Variants in CKMT2 observed in about 807,000 individuals in gnomAD.
CKMT2 encodes creatine kinase S-type, mitochondrial.
CKMT2 carries 43 observed loss-of-function variants against 48.9 expected under a neutral mutation model. That is an observed-to-expected ratio of 0.88 (90% CI 0.69 to 1.13). CKMT2 has a LOEUF of 1.13. Ranked by LOEUF, CKMT2 falls within the 50% of genes most tolerant of loss-of-function variation. The pLI is 0.00. For missense variants in CKMT2, 472 were observed against 555.4 expected, an observed-to-expected ratio of 0.85 and a Z score of 1.51; for synonymous variants, 206 against 213.0, an observed-to-expected ratio of 0.97 and a Z score of 0.29.
chr5:81,239,663 G>A (rs991776804), intron 1 of CKMT2, among the ~76,000 whole-genome samples: 2 of 152,164 alleles, frequency 1.3e-5, no homozygotes, highest in African/African-American at 4.8e-5. Context: ...GACCTGACAA[G>A]GCTCCTCAAA....
At chr5:81,242,631 G>A (rs1006698725) in intron 1 of CKMT2, 11 of 299,016 alleles carry the variant, frequency 3.7e-5, no homozygotes, top group African/African-American at 2.2e-4. Flanking sequence ...GCCAAACATT[G>A]ACGCTGAGAT....
intron 1 of CKMT2, among the ~76,000 whole-genome samples, chr5:81,234,284 C>T (rs1432710581): frequency 6.6e-6 from 1 of 152,294 alleles, no homozygotes; most frequent in Middle Eastern, 3.4e-3. Flanking sequence ...AGGCTCGTGA[C>T]CCCTCACAGT....
chr5:81,242,714 G>A, intron 1 of CKMT2: 1 of 176,292 alleles, frequency 5.7e-6, no homozygotes, highest in East Asian at 1.5e-4. Context: ...TAACACCTGA[G>A]CTCCCTGCTG....
chr5:81,259,452 A>AGAT, intron 8 of CKMT2, 198 bp downstream of exon 8: 1 of 429,348 alleles, frequency 2.3e-6, no homozygotes, highest in East Asian at 3.5e-5. Context: ...TGTAAGAAAA[A>AGAT]GATGGTAGCT....
rs1021926867 is a variant in CKMT2, at chr5:81,252,790, A to G, written c.248A>G (p.Asn83Ser). 4 of 1,614,222 alleles carry G rather than the reference A, an allele frequency of 2.5e-6. No individual in the cohort carries two copies. The highest frequency in any genetic ancestry group is 2.2e-5 in the East Asian group (1 of 44,888). ...YAKLRNKVTP[N>S]GYTLDQCIQT... ...AAGCTTCGCAACAAGGTGACACCCA[A>G]CGGCTACACGCTGGACCAGTGCATC... The change falls in exon 3 of 10, where the codon AAC becomes AGC. Residue 83 changes from asparagine (N) to serine (S), a missense_variant. By Grantham distance (46) the Asn-to-Ser change is conservative. Transcript: ENST00000254035.
In CKMT2 at chr5:81,266,182, T is replaced by C; in HGVS notation, c.1184T>C (p.Val395Ala). ...GTCATCGATGGAGTCAATTACCTGG[T>C]GGATTGTGAAAAGAAGTTGGAGAGA... ...QIVIDGVNYLVDCEKKLERGQ... is the reference protein window; with the variant it reads ...QIVIDGVNYLADCEKKLERGQ... The change falls in exon 10 of 10, where the codon GTG becomes GCG. Residue 395 changes from valine (V) to alanine (A), a missense_variant. Physicochemically the swap from Val to Ala is moderately conservative, Grantham distance 64. Transcript: ENST00000254035. The C allele has an allele frequency of 6.2e-7, 1 of 1,612,948 alleles. No homozygotes were observed. The highest frequency in any genetic ancestry group is 8.5e-7 in the Non-Finnish European group (1 of 1,178,982).
intron 1 of CKMT2, among the ~76,000 whole-genome samples, chr5:81,234,041 A>C (rs1756182553): frequency 1.3e-5 from 2 of 151,474 alleles, no homozygotes; most frequent in South Asian, 2.1e-4. Flanking sequence ...AAAAAAAAAA[A>C]AAAAACCTAT....
At chr5:81,266,001 C>T in intron 9 of CKMT2, 138 bp from the exon 10 acceptor site, 1 of 687,142 alleles carries the variant, frequency 1.5e-6, no homozygotes, top group Non-Finnish European at 2.4e-6. Context: ...TCTCTGCCTT[C>T]CATTTCTGAG....
chr5:81,256,885 C>CCT lies in CKMT2; in HGVS notation c.670-25_670-24dup, dbSNP rs532229804. The CCT allele has an allele frequency of 5.1e-5, 79 of 1,537,062 alleles. 1 individual carries two copies. In the South Asian group the frequency reaches 8.0e-4, roughly 15 times the overall value. On this transcript the variant is annotated intron_variant, in intron 5 of 9. Transcript: ENST00000254035. Reference sequence around the variant, plus strand: ...GTCCTGTTTGATCTCATCAGTCTCTCCTCTCTGCTTTATCCCTTTTGGCCT... The same window carrying CCT: ...GTCCTGTTTGATCTCATCAGTCTCTCCTCTCTCTGCTTTATCCCTTTTGGCCT...
rs776455356 is a variant in CKMT2 at position 81,251,109 on chromosome 5, C to G, written c.-20-4C>G. 1.2e-6 allele frequency: 2 copies of G among 1,612,076 alleles called. No homozygotes were observed. The highest frequency in any genetic ancestry group is 1.7e-6 in the Non-Finnish European group (2 of 1,178,856). On this transcript the variant is annotated splice_polypyrimidine_tract_variant and splice_region_variant and intron_variant, in intron 1 of 9. Transcript: ENST00000254035. ...CTATCTAATCCAGCTTCTTTGCTTT[C>G]CAGACACTCATCCAAGAGGAAGGAT...
At chr5:81,254,077 G>C (rs578103230) in intron 3 of CKMT2, among the ~76,000 whole-genome samples, 2 of 152,164 alleles carry the variant, frequency 1.3e-5, no homozygotes, top group African/African-American at 4.8e-5. Context: ...ATTCCTAACC[G>C]TAAGTATTTT....
intron 8 of CKMT2, among the ~76,000 whole-genome samples, chr5:81,262,453 T>G (rs1374642951): frequency 6.6e-6 from 1 of 151,784 alleles, no homozygotes; most frequent in African/African-American, 2.4e-5. Flanking sequence ...AGGGCTAATA[T>G]CCAGAATCTA....
intron 5 of CKMT2, among the ~76,000 whole-genome samples, 196 bp downstream of exon 5, chr5:81,255,410 G>A (rs1378789861): frequency 6.6e-6 from 1 of 152,240 alleles, no homozygotes; most frequent in African/African-American, 2.4e-5. Flanking sequence ...TACTTGTCAA[G>A]CCACTGAAAC....
chr5:81,265,024 A>G (rs931177270), intron 9 of CKMT2, among the ~76,000 whole-genome samples: 2 of 152,164 alleles, frequency 1.3e-5, no homozygotes, highest in African/African-American at 4.8e-5. Context: ...TACCTATTTA[A>G]TGTTTTCCTG....
rs145379108 is a variant in CKMT2, at chr5:81,243,270, C to T, written c.-20-7843C>T. ...CAGATGAATGAGCAGCCCATGAGTA[C>T]ACTGCGAACTGAGAGAGAATGCAGT... On this transcript the variant is annotated intron_variant, in intron 1 of 9. Coordinates refer to ENST00000254035, the MANE Select transcript of CKMT2 (RefSeq NM_001099735.2). 2.0e-5 allele frequency among the ~76,000 whole-genome samples: 3 copies of T among 152,304 alleles called. No homozygotes were observed. In the South Asian group the frequency reaches 6.2e-4, roughly 32 times the overall value.
intron 2 of CKMT2, chr5:81,252,369 C>T: frequency 3.3e-6 from 1 of 302,022 alleles, no homozygotes; most frequent in South Asian, 4.0e-5. Flanking sequence ...TGTGGTGGTC[C>T]TAAATCTCCT....
At chr5:81,237,022 G>A (rs1378942448) in intron 1 of CKMT2, among the ~76,000 whole-genome samples, 3 of 152,162 alleles carry the variant, frequency 2.0e-5, no homozygotes, top group Admixed American at 6.5e-5. Context: ...GGTGGTGGGC[G>A]CCTGTAATCC....
At chr5:81,234,523 TG>T (rs1413171092) in intron 1 of CKMT2, among the ~76,000 whole-genome samples, 1 of 152,184 alleles carries the variant, frequency 6.6e-6, no homozygotes, top group Non-Finnish European at 1.5e-5. Flanking sequence ...GGGAGGCTCT[TG>T]GCCTTGTTTG....
At position 81,266,342 on chromosome 5, in the gene CKMT2, G is replaced by A; in HGVS notation, c.*84G>A. 3 of 1,326,104 alleles carry A rather than the reference G, an allele frequency of 2.3e-6. No individual in the cohort carries two copies. Among genetic ancestry groups the A allele is most frequent in the East Asian group, 2.4e-5 (1 of 42,388 alleles). The allele number at this position is 1,326,104 out of a possible 1,614,324, so 82.1% of individuals were successfully genotyped here. ...TACTCTGAGAGTTTTTATACACTTG[G>A]AAAAATATAAAATTGTAGATCCTGC... is the stretch of plus-strand genomic sequence containing the variant. On this transcript the variant is annotated 3_prime_UTR_variant, in exon 10 of 10. Transcript: ENST00000254035.
Sources: gnomAD v4.1 joint callset for allele counts (sites outside exome capture counted in the v4.1 genomes callset) on GRCh38, gnomAD v4.1.1 for gene constraint, MANE v1.5 for transcripts, NCBI Gene and HGNC (gene_info 2026-07-23, HGNC 2026-07-21) for gene names.